SSC5D: variants seen among roughly 807,000 people sequenced by gnomAD.
SSC5D encodes the protein soluble scavenger receptor cysteine-rich domain-containing protein SSC5D.
In SSC5D, 106 loss-of-function variants were observed where a neutral mutation model predicts 104.6. The ratio of observed to expected loss-of-function variants is 1.01; its 90% CI spans 0.87 to 1.19. The LOEUF is 1.19. SSC5D is among the 50% of genes most tolerant of loss of function. The probability of loss-of-function intolerance (pLI) is 0.00; values close to 1 mark genes in which losing one functional copy is unlikely to be tolerated. For missense variants in SSC5D, 1,993 were observed against 2,153.8 expected (o/e 0.93, Z 1.48); for synonymous variants, 860 against 883.5 (o/e 0.97, Z 0.47).
rs1987963340 is a variant in SSC5D, at chr19:55,518,997, G to T, written c.4721G>T (p.Ter1574LeuextTer26). ...EEERPLRGDV[*>L] ...GAAAGACCCCTGAGGGGAGACGTGT[G>T]ACCCTCTCCAGGATTTGAGGGGCTT... The change falls in exon 14 of 14, where the codon TGA (stop) becomes TTA (leucine). Residue 1574 changes from the stop codon to leucine, a stop_lost. Coordinates refer to ENST00000389623, the MANE Select transcript of SSC5D (RefSeq NM_001144950.2). The T allele has an allele frequency of 6.5e-7, 1 of 1,549,958 alleles. No homozygotes were observed. Among genetic ancestry groups the T allele is most frequent in the African/African-American group, 1.4e-5 (1 of 72,968 alleles).
chr19:55,507,679 A>G (rs866991392), intron 12 of SSC5D, among the ~76,000 whole-genome samples: 4 of 151,066 alleles, frequency 2.6e-5, no homozygotes, highest in Admixed American at 1.3e-4. Flanking sequence ...AAAAAAAAAA[A>G]AAAAAAAAAG....
At chr19:55,505,043 T>C (rs1395238662) in intron 12 of SSC5D, among the ~76,000 whole-genome samples, 1 of 151,232 alleles carries the variant, frequency 6.6e-6, no homozygotes, top group African/African-American at 2.5e-5. Flanking sequence ...TATGCTAAAA[T>C]AGAAGCACGA....
intron 12 of SSC5D, among the ~76,000 whole-genome samples, chr19:55,510,243 C>T (rs1220895808): frequency 6.6e-6 from 1 of 152,212 alleles, no homozygotes; most frequent in Non-Finnish European, 1.5e-5. Context: ...AACTGATCCA[C>T]CTGCCTTGGC....
At position 55,518,890 on chromosome 19, in the gene SSC5D, G is replaced by C. The variant is rs572421294; in HGVS notation, c.4614G>C (p.Leu1538=). The change falls in exon 14 of 14, where the codon CTG becomes CTC. Residue 1538 remains leucine, a synonymous_variant. Coordinates refer to ENST00000389623, the MANE Select transcript of SSC5D (RefSeq NM_001144950.2). ...LVEAARGLGQ[L]GEAVKRLAEM... ...AAGCTGCCCGGGGTCTGGGGCAGCTGGGTGAGGCTGTGAAGAGACTGGCAG... is the reference window on the plus strand; with the variant it reads ...AAGCTGCCCGGGGTCTGGGGCAGCTCGGTGAGGCTGTGAAGAGACTGGCAG... 10 of 1,550,326 alleles carry C rather than the reference G, an allele frequency of 6.5e-6. No homozygotes were observed. The South Asian group carries it at 1.2e-4, about 18-fold the overall frequency.
intron 8 of SSC5D, among the ~76,000 whole-genome samples, 166 bp from the exon 9 acceptor site, chr19:55,497,714 A>G (rs1447501823): frequency 6.6e-6 from 1 of 152,230 alleles, no homozygotes; most frequent in Non-Finnish European, 1.5e-5. Flanking sequence ...AATGGCACAA[A>G]AAAGGCCTCA....
chr19:55,518,294 T>C lies in SSC5D; in HGVS notation c.4018T>C (p.Ser1340Pro). The change falls in exon 14 of 14, where the codon TCC becomes CCC. Residue 1340 changes from serine (S) to proline (P), a missense_variant. Physicochemically the swap from Ser to Pro is moderately conservative, Grantham distance 74. This residue lies in a region of SSC5D where 349 missense variants were observed against 397.6 expected (regional missense o/e 0.88). Transcript: ENST00000389623. The part of the protein sequence containing the change: ...PSSTPVITTV[S>P]LPTSLGTELS... ...CTCAACCCCTGTCATCACTACTGTGTCCCTTCCAACCTCCTTGGGGACAGA... is the reference window on the plus strand; with the variant it reads ...CTCAACCCCTGTCATCACTACTGTGCCCCTTCCAACCTCCTTGGGGACAGA... 6.5e-7 allele frequency: 1 copy of C among 1,533,434 alleles called. No homozygotes were observed. Among genetic ancestry groups the C allele is most frequent in the Non-Finnish European group, 8.7e-7 (1 of 1,143,724 alleles). The allele number at this position is 1,533,434 out of a possible 1,614,324, so 95.0% of individuals were successfully genotyped here.
chr19:55,493,994 G>GGGGGGGGGGGGT, intron 7 of SSC5D, 82 bp downstream of exon 7: 8 of 143,314 alleles, frequency 5.6e-5, no homozygotes, highest in Non-Finnish European at 8.6e-5. Context: ...GGGCGGGGGG[G>GGGGGGGGGGGGT]TCCCTACGCG....
At position 55,500,387 on chromosome 19, in the gene SSC5D, C is replaced by T. The variant is rs1380917290; in HGVS notation, c.2277C>T (p.Pro759=). 1 of 1,551,074 alleles carries T rather than the reference C, an allele frequency of 6.4e-7. No individual in the cohort carries two copies. The highest frequency in any genetic ancestry group is 1.4e-5 in the African/African-American group (1 of 73,036). The part of the protein sequence containing the change: ...PESPKDPAPS[P]SVSTTGESGL... ...CACCCAAAGACCCGGCCCCCTCTCC[C>T]AGTGTTAGCACCACTGGGGAATCAG... The change falls in exon 10 of 14, where the codon CCC becomes CCT. Residue 759 remains proline, a synonymous_variant. Transcript: ENST00000389623. This position sits in a 1 kb window ranked among gnomAD's most constrained non-coding sequence, Gnocchi z 4.6.
intron 13 of SSC5D, among the ~76,000 whole-genome samples, chr19:55,514,359 T>G (rs1050788654): frequency 6.8e-6 from 1 of 146,730 alleles, no homozygotes; most frequent in African/African-American, 2.5e-5. Context: ...GAGCCGAGAT[T>G]GCGCCACTGC....
At position 55,500,297 on chromosome 19, in the gene SSC5D, T is replaced by C. The variant is rs1420873497; in HGVS notation, c.2187T>C (p.Thr729=). The C allele has an allele frequency of 6.4e-7, 1 of 1,550,790 alleles. No individual in the cohort carries two copies. Among genetic ancestry groups the C allele is most frequent in the Admixed American group, 2.0e-5 (1 of 50,860 alleles). Residue 729 remains threonine (T), a synonymous_variant, in exon 10 of 14, where the codon ACT becomes ACC. Coordinates refer to ENST00000389623, the MANE Select transcript of SSC5D (RefSeq NM_001144950.2). The surrounding 1 kb of genome is among the most constrained non-coding windows in gnomAD (Gnocchi z 4.6). ...QGPQEMTSES[T]IKSIPQASLE... is the part of the protein sequence containing the mutation. ...CCCAAGAAATGACCTCTGAGTCCAC[T>C]ATCAAGAGTATCCCTCAGGCCTCCC...
chr19:55,504,903 A>G lies in SSC5D; in HGVS notation c.2785+3702A>G, dbSNP rs528085919. Among the ~76,000 whole-genome samples the G allele has an allele frequency of 2.6e-5, 4 of 152,374 alleles. No individual in the cohort carries two copies. In the South Asian group the frequency reaches 8.3e-4, roughly 32 times the overall value. On this transcript the variant is annotated intron_variant, in intron 12 of 13. Coordinates refer to ENST00000389623, the MANE Select transcript of SSC5D (RefSeq NM_001144950.2). Reference sequence around the variant, plus strand: ...GCATGCATGACCCCAACTTCAGGCCATAGAAACTGTTGCTACACCTGTGTT... The same window carrying G: ...GCATGCATGACCCCAACTTCAGGCCGTAGAAACTGTTGCTACACCTGTGTT...
At chr19:55,499,345 G>A (rs1555765643) in intron 9 of SSC5D, among the ~76,000 whole-genome samples, 2 of 152,120 alleles carry the variant, frequency 1.3e-5, no homozygotes, top group African/African-American at 2.4e-5. Flanking sequence ...TGGAAGCTAC[G>A]GCTCTTCCCT....
intron 13 of SSC5D, among the ~76,000 whole-genome samples, chr19:55,515,739 A>AT (rs1359501537): frequency 4.7e-5 from 7 of 149,878 alleles, no homozygotes; most frequent in Non-Finnish European, 7.4e-5. Context: ...CTCAAAAAAA[A>AT]AAATAAAATA....
Position 55,493,785 on chromosome 19 carries a change from G to T in SSC5D, c.1086G>T (p.Gly362=). Residue 362 remains glycine (G), a synonymous_variant, in exon 7 of 14, where the codon GGG becomes GGT. Coordinates refer to ENST00000389623, the MANE Select transcript of SSC5D (RefSeq NM_001144950.2). ...AAPGGAFFGE[G]SGPIILDDLR... is the part of the protein sequence containing the mutation. The stretch of plus-strand genomic sequence containing the variant: ...CCGGGGGCGCCTTCTTTGGGGAGGG[G>T]TCTGGACCCATCATCCTGGACGACC... The T allele has an allele frequency of 3.2e-6, 5 of 1,548,072 alleles. No homozygotes were observed. The highest frequency in any genetic ancestry group is 4.4e-6 in the Non-Finnish European group (5 of 1,146,292).
Position 55,501,133 on chromosome 19 carries a change from C to G in SSC5D, c.2717C>G (p.Thr906Ser). The change falls in exon 12 of 14, where the codon ACT becomes AGT. Residue 906 changes from threonine to serine, a missense_variant. Physicochemically the swap from Thr to Ser is moderately conservative, Grantham distance 58 (BLOSUM62 1). Coordinates refer to ENST00000389623, the MANE Select transcript of SSC5D (RefSeq NM_001144950.2). Reference sequence around the variant, plus strand: ...ACCACAGCGGGGGTACCTGGACACACTCTCCCCTGGAGGACCACCCGGCGC... The same window carrying G: ...ACCACAGCGGGGGTACCTGGACACAGTCTCCCCTGGAGGACCACCCGGCGC... ...GTTTAGVPGHTLPWRTTRRPG... is the reference protein window; with the variant it reads ...GTTTAGVPGHSLPWRTTRRPG... 6.4e-7 allele frequency: 1 copy of G among 1,551,254 alleles called. No individual in the cohort carries two copies. The highest frequency in any genetic ancestry group is 8.7e-7 in the Non-Finnish European group (1 of 1,146,770).
chr19:55,518,993 G>C lies in SSC5D; in HGVS notation c.4717G>C (p.Val1573Leu), dbSNP rs774177924. ...AGAAGAAAGACCCCTGAGGGGAGACGTGTGACCCTCTCCAGGATTTGAGGG... is the reference window on the plus strand; with the variant it reads ...AGAAGAAAGACCCCTGAGGGGAGACCTGTGACCCTCTCCAGGATTTGAGGG... ...EEEERPLRGD[V>L] is the part of the protein sequence containing the mutation. Residue 1573 changes from valine to leucine, a missense_variant, in exon 14 of 14, where the codon GTG becomes CTG. This residue lies in a region of SSC5D where 349 missense variants were observed against 397.6 expected (regional missense o/e 0.88). Transcript: ENST00000389623. 6 of 1,550,184 alleles carry C rather than the reference G, an allele frequency of 3.9e-6. No individual in the cohort carries two copies. The highest frequency in any genetic ancestry group is 4.4e-6 in the Non-Finnish European group (5 of 1,146,850).
In SSC5D at chr19:55,500,649, G is replaced by T. The variant is rs1001647101; in HGVS notation, c.2462G>T (p.Arg821Leu). 1.9e-6 allele frequency: 3 copies of T among 1,551,754 alleles called. No homozygotes were observed. The highest frequency in any genetic ancestry group is 3.9e-5 in the Admixed American group (2 of 51,010). The change falls in exon 11 of 14, where the codon CGA (arginine) becomes CTA (leucine). Residue 821 changes from arginine (R) to leucine (L), a missense_variant. Coordinates refer to ENST00000389623, the MANE Select transcript of SSC5D (RefSeq NM_001144950.2). The surrounding 1 kb of genome is among the most constrained non-coding windows in gnomAD (Gnocchi z 4.6). The stretch of plus-strand genomic sequence containing the variant: ...CTGGGCTGTGGAAAGGTCCGGCCTC[G>T]AGTAGGCAAAACCCATTACGGCCCT... Reference protein sequence around the residue: ...WELGCGKVRPRVGKTHYGPGT... With the variant: ...WELGCGKVRPLVGKTHYGPGT...
rs1987125178 is a variant in SSC5D, at chr19:55,490,924, G to T, written c.739G>T (p.Ala247Ser). 6.5e-7 allele frequency: 1 copy of T among 1,543,872 alleles called. No homozygotes were observed. Among genetic ancestry groups the T allele is most frequent in the African/African-American group, 1.4e-5 (1 of 72,848 alleles). Residue 247 changes from alanine to serine, a missense_variant, in exon 6 of 14, where the codon GCC becomes TCC. Around this residue, in one of 6 missense-constraint regions of SSC5D, gnomAD observed 1,101 missense variants for 1,085.0 expected, o/e 1.01. Coordinates refer to ENST00000389623, the MANE Select transcript of SSC5D (RefSeq NM_001144950.2). ...RELGCGGALA[A>S]PGGARFGPGA... ...ACTGGGCTGTGGGGGGGCGCTGGCT[G>T]CCCCCGGCGGTGCCAGATTCGGGCC...
At chr19:55,488,981 C>A in intron 1 of SSC5D, 25 bp from the exon 2 acceptor site, 1 of 1,531,804 alleles carries the variant, frequency 6.5e-7, no homozygotes, top group Non-Finnish European at 8.8e-7. Flanking sequence ...CCTCACACTG[C>A]CCCACCCTCC....
Sources: gnomAD v4.1 joint callset for allele counts (sites outside exome capture counted in the v4.1 genomes callset) on GRCh38, gnomAD v4.1.1 for gene constraint, gnomAD v4.1.1 regional missense constraint, Gnocchi (gnomAD v3.1) non-coding constraint, MANE v1.5 for transcripts, NCBI Gene and HGNC (gene_info 2026-07-23, HGNC 2026-07-21) for gene names.